SYCE2: variants seen among roughly 807,000 people sequenced by gnomAD.
The protein encoded by SYCE2 is synaptonemal complex central element protein 2, also known as central element synaptonemal complex 1.
In SYCE2, 3 loss-of-function variants were observed where a neutral mutation model predicts 27.9. That is an observed-to-expected ratio of 0.11 (90% confidence interval 0.05 to 0.28). SYCE2 has a LOEUF of 0.28. Among genes scored for constraint, SYCE2 ranks in the 10% least tolerant of loss-of-function variants. SYCE2 has a pLI of 1.00. For missense variants in SYCE2, 207 were observed against 263.5 expected (o/e 0.79, Z 1.48); for synonymous variants, 85 against 100.7 (o/e 0.84, Z 0.93).
intron 2 of SYCE2, among the ~76,000 whole-genome samples, chr19:12,906,905 T>A (rs1039407001): frequency 2.3e-4 from 35 of 152,142 alleles, no homozygotes; most frequent in African/African-American, 5.1e-4. Flanking sequence ...ATAAATAAAT[T>A]AATTAAATTA....
Position 12,907,128 on chromosome 19 carries a change from T to A in SYCE2, c.132-2462A>T, listed in dbSNP as rs76329679. On this transcript the variant is annotated intron_variant, in intron 2 of 5. Transcript: ENST00000293695. Reference sequence around the variant, plus strand: ...GCTGCCCCTGTGAGTCACAGCTAACTTTTCCTCAGCCATGTTCCCGGCACT... The same window carrying A: ...GCTGCCCCTGTGAGTCACAGCTAACATTTCCTCAGCCATGTTCCCGGCACT... Among the ~76,000 whole-genome samples, 238 of 152,300 alleles carry A rather than the reference T, an allele frequency of 1.6e-3. 5 individuals are homozygous for A. The highest frequency in any genetic ancestry group is 5.6e-3 in the African/African-American group (232 of 41,562).
intron 2 of SYCE2, among the ~76,000 whole-genome samples, chr19:12,908,063 A>G (rs1197655255): frequency 6.6e-6 from 1 of 151,654 alleles, no homozygotes; most frequent in Non-Finnish European, 1.5e-5. Context: ...AGTAAGCTTG[A>G]TCATGCCACT....
intron 2 of SYCE2, among the ~76,000 whole-genome samples, chr19:12,907,614 A>T (rs1970960337): frequency 6.6e-6 from 1 of 151,876 alleles, no homozygotes; most frequent in African/African-American, 2.4e-5. Flanking sequence ...AACATGGTGA[A>T]ACCCCGTCTC....
chr19:12,904,888 C>G, intron 2 of SYCE2: 1 of 431,686 alleles, frequency 2.3e-6, no homozygotes, highest in South Asian at 2.3e-5. Context: ...GCCTGTAGTC[C>G]CAGCTACTTG....
intron 5 of SYCE2, chr19:12,899,762 T>C (rs761708066): frequency 1.2e-6 from 2 of 1,609,150 alleles, no homozygotes; most frequent in South Asian, 2.2e-5. Context: ...AATCCACTTT[T>C]AACCATGGAT....
At chr19:12,903,055 A>G (rs1466749386) in intron 3 of SYCE2, among the ~76,000 whole-genome samples, 2 of 150,104 alleles carry the variant, frequency 1.3e-5, no homozygotes, top group Non-Finnish European at 3.0e-5. Context: ...AAAAAAAAAG[A>G]AAAAGAAAAA....
chr19:12,915,332 G>A (rs1016898314), intron 2 of SYCE2, among the ~76,000 whole-genome samples: 10 of 152,144 alleles, frequency 6.6e-5, no homozygotes, highest in African/African-American at 2.4e-4. Flanking sequence ...CGGGCGCGGT[G>A]GCTCACGCCT....
At chr19:12,902,952 G>C (rs139448496) in intron 3 of SYCE2, among the ~76,000 whole-genome samples, 102 of 147,442 alleles carry the variant, frequency 6.9e-4, no homozygotes, top group African/African-American at 2.5e-3. Flanking sequence ...ACCATGCCTG[G>C]CTAATTTTTT....
chr19:12,910,662 C>T (rs1273047614), intron 2 of SYCE2, among the ~76,000 whole-genome samples: 1 of 151,812 alleles, frequency 6.6e-6, no homozygotes, highest in African/African-American at 2.4e-5. Context: ...CATGAGCCAC[C>T]ACGCCTGACC....
intron 3 of SYCE2, among the ~76,000 whole-genome samples, chr19:12,901,252 T>A (rs1416318868): frequency 1.3e-5 from 2 of 151,954 alleles, no homozygotes; most frequent in African/African-American, 4.8e-5. Context: ...GGTGTGCACC[T>A]GTAATCCCAG....
intron 2 of SYCE2, among the ~76,000 whole-genome samples, chr19:12,906,637 G>A (rs1355676056): frequency 1.3e-5 from 2 of 152,086 alleles, no homozygotes; most frequent in African/African-American, 2.4e-5. Context: ...GGCCGGGCGC[G>A]GTGGCTCAAG....
At chr19:12,900,812 G>A in intron 3 of SYCE2, 164 bp from the exon 4 acceptor site, 2 of 648,690 alleles carry the variant, frequency 3.1e-6, no homozygotes, top group Non-Finnish European at 5.2e-6. Flanking sequence ...GGTAGGCCAA[G>A]GTGGGTGGAT....
chr19:12,904,724 A>G, intron 2 of SYCE2, 58 bp from the exon 3 acceptor site: 1 of 1,593,306 alleles, frequency 6.3e-7, no homozygotes, highest in South Asian at 1.1e-5. Flanking sequence ...GGAAGCGGCC[A>G]GGTGTAGTCG....
chr19:12,911,951 T>G (rs1460427369), intron 2 of SYCE2, among the ~76,000 whole-genome samples: 2 of 148,544 alleles, frequency 1.3e-5, no homozygotes, highest in Non-Finnish European at 3.0e-5. Flanking sequence ...TTGTTTGTTT[T>G]TTTCAAGACA....
At chr19:12,900,262 A>G in intron 4 of SYCE2, 142 bp from the exon 5 acceptor site, 1 of 1,165,958 alleles carries the variant, frequency 8.6e-7, no homozygotes, top group Non-Finnish European at 1.2e-6. Flanking sequence ...GGGACATGAC[A>G]ACGGTTTGGC....
chr19:12,907,655 G>T, intron 2 of SYCE2, among the ~76,000 whole-genome samples: 1 of 152,152 alleles, frequency 6.6e-6, no homozygotes, highest in Middle Eastern at 3.2e-3. Flanking sequence ...CCCAGGCATG[G>T]TGGCATGTGT....
rs764983776 is a variant in SYCE2 at position 12,919,245 on chromosome 19, C to T, written c.13G>A (p.Gly5Arg). Residue 5 changes from glycine to arginine, a missense_variant and splice_region_variant, in exon 1 of 6, where the codon GGA becomes AGA. Gly to Arg is a moderately radical substitution (Grantham distance 125). Coordinates refer to ENST00000293695, the MANE Select transcript of SYCE2 (RefSeq NM_001105578.2). Reference sequence around the variant, plus strand: ...AGAAGGAAACAAGCGCCGCGTACTCCCTGTCGCTCCATTCCGTATTTTCCC... The same window carrying T: ...AGAAGGAAACAAGCGCCGCGTACTCTCTGTCGCTCCATTCCGTATTTTCCC... Reference protein sequence around the residue: MERQGVDVPHVKCKD... With the variant: MERQRVDVPHVKCKD... 1 of 1,611,406 alleles carries T rather than the reference C, an allele frequency of 6.2e-7. No individual in the cohort carries two copies. The highest frequency in any genetic ancestry group is 8.5e-7 in the Non-Finnish European group (1 of 1,180,004).
At chr19:12,901,212 A>G (rs1180826373) in intron 3 of SYCE2, among the ~76,000 whole-genome samples, 1 of 151,336 alleles carries the variant, frequency 6.6e-6, no homozygotes, top group African/African-American at 2.4e-5. Flanking sequence ...AAATAAATAC[A>G]CAAATACATA....
intron 2 of SYCE2, among the ~76,000 whole-genome samples, chr19:12,912,813 C>T (rs1599640236): frequency 6.6e-6 from 1 of 151,658 alleles, no homozygotes; most frequent in African/African-American, 2.4e-5. Flanking sequence ...TCAGCTAATT[C>T]GAGTTTCATG....
Sources: gnomAD v4.1 joint callset for allele counts (sites outside exome capture counted in the v4.1 genomes callset) on GRCh38, gnomAD v4.1.1 for gene constraint, MANE v1.5 for transcripts, NCBI Gene and HGNC (gene_info 2026-07-23, HGNC 2026-07-21) for gene names.